The following PIEZO2 variants were observed in gnomAD, a reference collection of about 807,000 sequenced individuals.
The protein encoded by PIEZO2 is piezo-type mechanosensitive ion channel component 2.
PIEZO2 carries 172 observed loss-of-function variants against 337.3 expected under a neutral mutation model. The observed-to-expected ratio is 0.51, with a 90% confidence interval of 0.45 to 0.58. The LOEUF (loss-of-function observed/expected upper bound fraction) is 0.58. Ranked by LOEUF, PIEZO2 falls within the 20% of genes least tolerant of loss-of-function variation. The pLI, the probability that PIEZO2 is intolerant of heterozygous loss-of-function variation, is 0.00. For synonymous variants in PIEZO2, 1,251 were observed against 1,228.5 expected (o/e 1.02, Z -0.38); for missense variants, 3,028 against 3,391.3 (o/e 0.89, Z 2.66).
chr18:10,691,375 C>T lies in PIEZO2; in HGVS notation c.7199G>A (p.Ser2400Asn). ...CCAAAGCTGGGCAACCAGGTTCTGG[C>T]TGAATTTCCTAAAATGTAAAAGTAC... is the stretch of plus-strand genomic sequence containing the variant. ...ILPGVTERKF[S>N]QNLVAQLWYF... Residue 2400 changes from serine to asparagine, a missense_variant, in exon 48 of 56, where the codon AGC becomes AAC. Transcript: ENST00000674853. 6.2e-7 allele frequency: 1 copy of T among 1,612,222 alleles called. No individual in the cohort carries two copies.
At position 11,032,194 on chromosome 18, in the gene PIEZO2, G is replaced by A. The variant is rs762706566; in HGVS notation, c.160+33933C>T. On this transcript the variant is annotated intron_variant, in intron 2 of 55. Transcript: ENST00000674853. The surrounding 1 kb of genome is among the most constrained non-coding windows in gnomAD (Gnocchi z 4.9). ...ATGCAAAACCCAAATGAACACAGCA[G>A]CAGAGAGCCTTATGTCTCAACATTG... 6.6e-6 allele frequency among the ~76,000 whole-genome samples: 1 copy of A among 152,184 alleles called. No individual in the cohort carries two copies. The highest frequency in any genetic ancestry group is 1.5e-5 in the Non-Finnish European group (1 of 68,044).
intron 1 of PIEZO2, among the ~76,000 whole-genome samples, chr18:11,075,167 G>C (rs1378321073): frequency 6.6e-6 from 1 of 152,128 alleles, no homozygotes; most frequent in South Asian, 2.1e-4. Flanking sequence ...CAGTTCTGTC[G>C]GTCCAGTAAT....
In PIEZO2 at chr18:10,980,333, A is replaced by G. The variant is rs1343870613; in HGVS notation, c.161-673T>C. 6.6e-6 allele frequency among the ~76,000 whole-genome samples: 1 copy of G among 152,158 alleles called. No homozygotes were observed. The highest frequency in any genetic ancestry group is 1.9e-4 in the East Asian group (1 of 5,190). Reference sequence around the variant, plus strand: ...AAAGAAATGTTTCATAAAGTTCAAAACCTAGTTATAATTTTTAAAAACATA... The same window carrying G: ...AAAGAAATGTTTCATAAAGTTCAAAGCCTAGTTATAATTTTTAAAAACATA... On this transcript the variant is annotated intron_variant, in intron 2 of 55. Coordinates refer to ENST00000674853, the MANE Select transcript of PIEZO2 (RefSeq NM_001378183.1). The surrounding 1 kb of genome is among the most constrained non-coding windows in gnomAD (Gnocchi z 4.8).
chr18:10,726,730 C>T lies in PIEZO2; in HGVS notation c.5029+4677G>A. 6.9e-7 allele frequency: 1 copy of T among 1,439,828 alleles called. No individual in the cohort carries two copies. Among genetic ancestry groups the T allele is most frequent in the Middle Eastern group, 1.8e-4 (1 of 5,684 alleles). The allele number at this position is 1,439,828 out of a possible 1,614,324, so 89.2% of individuals were successfully genotyped here. On this transcript the variant is annotated intron_variant, in intron 36 of 55. Transcript: ENST00000674853. The surrounding 1 kb of genome is among the most constrained non-coding windows in gnomAD (Gnocchi z 5.9). The stretch of plus-strand genomic sequence containing the variant: ...GAACGGCATCCTGTGCATTCTGGGA[C>T]ATCGCCAGACCATCGATTTCCCGCT...
At chr18:11,019,157 A>C (rs546947454) in intron 2 of PIEZO2, among the ~76,000 whole-genome samples, 1 of 152,178 alleles carries the variant, frequency 6.6e-6, no homozygotes, top group African/African-American at 2.4e-5. Flanking sequence ...CCCCAATTCT[A>C]CCTTGCACCA....
At chr18:10,887,156 G>A (rs1230655671) in intron 4 of PIEZO2, among the ~76,000 whole-genome samples, 20 of 138,240 alleles carry the variant, frequency 1.4e-4, no homozygotes, top group Admixed American at 8.2e-4. Context: ...TGCAACCTCC[G>A]CCTCCTGGGT....
intron 4 of PIEZO2, among the ~76,000 whole-genome samples, chr18:10,902,715 C>T (rs1404550169): frequency 6.6e-6 from 1 of 152,246 alleles, no homozygotes; most frequent in South Asian, 2.1e-4. Flanking sequence ...TTTCATATCA[C>T]TTAAGAGAGT....
chr18:10,692,873 T>A (rs182687370), intron 47 of PIEZO2, among the ~76,000 whole-genome samples: 2 of 152,346 alleles, frequency 1.3e-5, no homozygotes, highest in East Asian at 3.9e-4. Flanking sequence ...TATGAATTTT[T>A]GTCAGCTTAC....
chr18:11,061,191 G>C (rs1406118037), intron 2 of PIEZO2, among the ~76,000 whole-genome samples: 1 of 152,030 alleles, frequency 6.6e-6, no homozygotes, highest in Non-Finnish European at 1.5e-5. Flanking sequence ...AAAGGCCTTT[G>C]ACAAAATTCA....
chr18:11,014,895 G>A (rs1156681827), intron 2 of PIEZO2, among the ~76,000 whole-genome samples: 2 of 143,202 alleles, frequency 1.4e-5, no homozygotes, highest in African/African-American at 5.3e-5. Flanking sequence ...CTCAGTGTGG[G>A]GAAGATGTCA....
Position 10,930,228 on chromosome 18 carries a change from G to C in PIEZO2, c.287-19000C>G, listed in dbSNP as rs58240554. ...CTTACTAGGTCGCTTTGGAGAGTCTGACACCCTTTAAGATCCCATAAAAGA... is the reference window on the plus strand; with the variant it reads ...CTTACTAGGTCGCTTTGGAGAGTCTCACACCCTTTAAGATCCCATAAAAGA... On this transcript the variant is annotated intron_variant, in intron 3 of 55. Coordinates refer to ENST00000674853, the MANE Select transcript of PIEZO2 (RefSeq NM_001378183.1). 3.3e-3 allele frequency among the ~76,000 whole-genome samples: 497 copies of C among 152,286 alleles called. 2 individuals carry two copies. The highest frequency in any genetic ancestry group is 0.011 in the African/African-American group (458 of 41,568).
chr18:10,737,430 C>T (rs568489590), intron 33 of PIEZO2, among the ~76,000 whole-genome samples: 3 of 152,186 alleles, frequency 2.0e-5, no homozygotes, highest in Non-Finnish European at 4.4e-5. Context: ...TTCCACGTGT[C>T]GTAGCCCTAA....
chr18:10,726,581 T>A lies in PIEZO2; in HGVS notation c.5029+4826A>T, dbSNP rs2036552903. 7.1e-7 allele frequency: 1 copy of A among 1,408,298 alleles called. No homozygotes were observed. The highest frequency in any genetic ancestry group is 9.4e-7 in the Non-Finnish European group (1 of 1,059,724). The allele number at this position is 1,408,298 out of a possible 1,614,324, so 87.2% of individuals were successfully genotyped here. ...GCTGTGCGTCTGTCCTTCCGCCAGC[T>A]CTTCCAGGACCTGGCGCGCTACGTG... On this transcript the variant is annotated intron_variant, in intron 36 of 55. Coordinates refer to ENST00000674853, the MANE Select transcript of PIEZO2 (RefSeq NM_001378183.1). This position sits in a 1 kb window ranked among gnomAD's most constrained non-coding sequence, Gnocchi z 5.9.
Position 10,736,393 on chromosome 18 carries a change from G to A in PIEZO2, c.4815+211C>T, listed in dbSNP as rs143539789. On this transcript the variant is annotated intron_variant, in intron 34 of 55. Coordinates refer to ENST00000674853, the MANE Select transcript of PIEZO2 (RefSeq NM_001378183.1). ...GTGCCAGTGAATGAAAACCTGGGCT[G>A]TACATGGTTCTTGCTTGATACTAAT... 2.6e-3 allele frequency among the ~76,000 whole-genome samples: 399 copies of A among 152,292 alleles called. 2 individuals are homozygous for A. Among genetic ancestry groups the A allele is most frequent in the African/African-American group, 9.3e-3 (387 of 41,550 alleles).
At chr18:10,911,077 A>G in intron 4 of PIEZO2, 109 bp downstream of exon 4, 2 of 903,544 alleles carry the variant, frequency 2.2e-6, no homozygotes, top group Non-Finnish European at 3.2e-6. Context: ...TCATACAGTT[A>G]CCAAAAGGGT....
intron 5 of PIEZO2, among the ~76,000 whole-genome samples, chr18:10,858,194 G>T (rs948713318): frequency 6.6e-6 from 1 of 151,080 alleles, no homozygotes; most frequent in African/African-American, 2.4e-5. Context: ...GGTGGCACGT[G>T]CCTGTAGTCC....
At chr18:11,044,086 A>T (rs902311506) in intron 2 of PIEZO2, among the ~76,000 whole-genome samples, 3 of 151,822 alleles carry the variant, frequency 2.0e-5, no homozygotes, top group Admixed American at 1.3e-4. Context: ...ATAAAGTAGG[A>T]TACTTTAGAA....
rs571537124 is a variant in PIEZO2, at chr18:11,031,767, A to G, written c.160+34360T>C. 3.9e-5 allele frequency among the ~76,000 whole-genome samples: 6 copies of G among 152,302 alleles called. No individual in the cohort carries two copies. Among genetic ancestry groups the G allele is most frequent in the Non-Finnish European group, 5.9e-5 (4 of 68,032 alleles). On this transcript the variant is annotated intron_variant, in intron 2 of 55. Coordinates refer to ENST00000674853, the MANE Select transcript of PIEZO2 (RefSeq NM_001378183.1). This position sits in a 1 kb window ranked among gnomAD's most constrained non-coding sequence, Gnocchi z 4.7. Reference sequence around the variant, plus strand: ...AAGTTGATTCCATGGTCCCTGGGGCAAAAGTTGAGAACTGGGACATTAAGG... The same window carrying G: ...AAGTTGATTCCATGGTCCCTGGGGCGAAAGTTGAGAACTGGGACATTAAGG...
chr18:10,924,706 G>A (rs2031622813), intron 3 of PIEZO2, among the ~76,000 whole-genome samples: 1 of 152,208 alleles, frequency 6.6e-6, no homozygotes, highest in African/African-American at 2.4e-5. Context: ...TATTTGCCAT[G>A]ATTTATATAA....
Sources: allele counts gnomAD v4.1 joint callset (sites outside exome capture counted in the v4.1 genomes callset), GRCh38; gene constraint gnomAD v4.1.1; non-coding constraint Gnocchi (gnomAD v3.1); transcripts MANE v1.5; gene names NCBI Gene and HGNC (gene_info 2026-07-23, HGNC 2026-07-21).